Variants in SGK1 observed in about 807,000 individuals in gnomAD.
SGK1 encodes the protein serum/glucocorticoid regulated kinase 1.
Under a neutral mutation model 64.2 loss-of-function variants are expected in SGK1, and 26 were observed. The observed-to-expected ratio is 0.40, with a 90% confidence interval of 0.30 to 0.56. SGK1 has a LOEUF of 0.56. SGK1 is among the 20% of genes least tolerant of loss of function. The pLI, the probability that SGK1 is intolerant of heterozygous loss-of-function variation, is 0.38. For missense variants in SGK1, 519 were observed against 645.6 expected (o/e 0.80, Z 2.12); for synonymous variants, 265 against 239.7 (o/e 1.11, Z -0.98).
intron 2 of SGK1, among the ~76,000 whole-genome samples, chr6:134,250,259 G>A (rs759527562): frequency 2.0e-5 from 3 of 152,200 alleles, no homozygotes; most frequent in Non-Finnish European, 4.4e-5. Flanking sequence ...TGACCTTAAA[G>A]AGGATTTTAA....
intron 2 of SGK1, among the ~76,000 whole-genome samples, chr6:134,227,048 C>T (rs1776194061): frequency 6.6e-6 from 1 of 152,164 alleles, no homozygotes; most frequent in Admixed American, 6.6e-5. Flanking sequence ...TGCTCTTTCC[C>T]CACCTCCTGC....
chr6:134,181,978 C>T (rs544858311), intron 3 of SGK1, among the ~76,000 whole-genome samples: 16 of 152,156 alleles, frequency 1.1e-4, no homozygotes, highest in Non-Finnish European at 2.2e-4. Context: ...ATGCCTCAGA[C>T]TCTCAAGTAG....
At chr6:134,233,464 A>C (rs1404044863) in intron 2 of SGK1, among the ~76,000 whole-genome samples, 1 of 152,338 alleles carries the variant, frequency 6.6e-6, no homozygotes, top group Admixed American at 6.5e-5. Flanking sequence ...AGTTTCCCCA[A>C]TAACTTTCTC....
At chr6:134,261,675 TG>T in intron 2 of SGK1, 2 of 593,596 alleles carry the variant, frequency 3.4e-6, no homozygotes, top group Non-Finnish European at 6.0e-6. Context: ...TATACGTGCA[TG>T]GGGACAAGCG....
chr6:134,213,643 T>TAATA (rs1554221312), intron 2 of SGK1, among the ~76,000 whole-genome samples: 33 of 27,816 alleles, frequency 1.2e-3, no homozygotes, highest in Admixed American at 2.2e-3. Context: ...AATAAATAAA[T>TAATA]AATAAATAAA....
intron 3 of SGK1, among the ~76,000 whole-genome samples, chr6:134,187,861 T>C (rs573434018): frequency 1.3e-5 from 2 of 152,314 alleles, no homozygotes; most frequent in African/African-American, 4.8e-5. Flanking sequence ...GCTTCTTCCA[T>C]GATGGAAGCT....
intron 2 of SGK1, among the ~76,000 whole-genome samples, chr6:134,250,970 T>TCTCA (rs1776598107): frequency 6.6e-6 from 1 of 152,102 alleles, no homozygotes; most frequent in Non-Finnish European, 1.5e-5. Flanking sequence ...AGAGACAGGG[T>TCTCA]CTCACTATGT....
intron 2 of SGK1, among the ~76,000 whole-genome samples, chr6:134,233,200 G>T (rs1763509): frequency 6.6e-6 from 1 of 151,966 alleles, no homozygotes; most frequent in Non-Finnish European, 1.5e-5. Context: ...ATTTGAGCCC[G>T]CTTTCTCATA....
intron 1 of SGK1, among the ~76,000 whole-genome samples, chr6:134,287,107 G>T (rs1201319589): frequency 1.3e-5 from 2 of 152,114 alleles, no homozygotes; most frequent in Non-Finnish European, 2.9e-5. Flanking sequence ...AAGTAGCTGG[G>T]ACTTCAGGCA....
chr6:134,294,595 C>A (rs1777316618), intron 1 of SGK1, among the ~76,000 whole-genome samples: 1 of 152,142 alleles, frequency 6.6e-6, no homozygotes, highest in East Asian at 1.9e-4. Context: ...AGTGCAATGG[C>A]ATTATCTCGG....
intron 1 of SGK1, among the ~76,000 whole-genome samples, chr6:134,268,062 G>C (rs960031319): frequency 6.6e-6 from 1 of 152,180 alleles, no homozygotes; most frequent in African/African-American, 2.4e-5. Context: ...TGGCTGGACC[G>C]ACCCAGTGAA....
chr6:134,173,600 C>G, intron 5 of SGK1, 34 bp from the exon 6 acceptor site: 1 of 1,419,770 alleles, frequency 7.0e-7, no homozygotes, highest in Non-Finnish European at 9.7e-7. Context: ...CTTTTAATAC[C>G]ATTGCTTCAA....
At chr6:134,208,636 T>C (rs977468281) in intron 2 of SGK1, among the ~76,000 whole-genome samples, 1 of 152,076 alleles carries the variant, frequency 6.6e-6, no homozygotes, top group Non-Finnish European at 1.5e-5. Context: ...TGATATTTGG[T>C]TTTCCATTCC....
At chr6:134,269,517 C>T (rs1025491873) in intron 1 of SGK1, among the ~76,000 whole-genome samples, 3 of 146,812 alleles carry the variant, frequency 2.0e-5, no homozygotes, top group African/African-American at 7.3e-5. Flanking sequence ...AAATTAGCCA[C>T]CATGGTGGCG....
At chr6:134,222,337 CTTT>C (rs754592511) in intron 2 of SGK1, among the ~76,000 whole-genome samples, 6 of 139,568 alleles carry the variant, frequency 4.3e-5, no homozygotes, top group Middle Eastern at 3.4e-3. Flanking sequence ...GAAAAAATTG[CTTT>C]TTTTTTTTTT....
chr6:134,207,266 T>G (rs1775808339), intron 3 of SGK1, 90 bp downstream of exon 3: 3 of 804,926 alleles, frequency 3.7e-6, no homozygotes, highest in Non-Finnish European at 4.1e-6. Context: ...CAAAAAAATA[T>G]TTCCCCCCAA....
chr6:134,310,224 C>T lies in SGK1; in HGVS notation c.69+7168G>A, dbSNP rs563767044. Among the ~76,000 whole-genome samples the T allele has an allele frequency of 2.6e-5, 4 of 152,286 alleles. No homozygotes were observed. The South Asian group carries it at 8.3e-4, about 32-fold the overall frequency. Reference sequence around the variant, plus strand: ...AGCACCAGCCCTTTAAAAAATGGTGCAGAATTTCAAGGAACTCAGCTACAC... The same window carrying T: ...AGCACCAGCCCTTTAAAAAATGGTGTAGAATTTCAAGGAACTCAGCTACAC... On this transcript the variant is annotated intron_variant, in intron 1 of 13. Transcript: ENST00000367858.
chr6:134,291,185 C>T (rs990230499), intron 1 of SGK1, among the ~76,000 whole-genome samples: 3 of 152,096 alleles, frequency 2.0e-5, no homozygotes, highest in Non-Finnish European at 4.4e-5. Context: ...GGCAGTGAAG[C>T]GCCCTGTTAG....
At chr6:134,221,495 GGCTT>G (rs1401985508) in intron 2 of SGK1, among the ~76,000 whole-genome samples, 1 of 151,976 alleles carries the variant, frequency 6.6e-6, no homozygotes, top group Non-Finnish European at 1.5e-5. Context: ...TCTCAGTGAA[GGCTT>G]GCTTGTCATT....
Sources: gnomAD v4.1 joint callset for allele counts (sites outside exome capture counted in the v4.1 genomes callset) on GRCh38, gnomAD v4.1.1 for gene constraint, MANE v1.5 for transcripts, NCBI Gene and HGNC (gene_info 2026-07-23, HGNC 2026-07-21) for gene names.